Variants in ARHGAP10 observed in about 807,000 individuals in gnomAD.
The protein encoded by ARHGAP10 is rho GTPase-activating protein 10.
In ARHGAP10, 87 loss-of-function variants were observed where a neutral mutation model predicts 108.6. The observed-to-expected ratio is 0.80, with a 90% CI of 0.67 to 0.96. The LOEUF is 0.96. Among genes scored for constraint, ARHGAP10 ranks in the 40% least tolerant of loss-of-function variants. ARHGAP10 has a pLI of 0.00. For missense variants in ARHGAP10, 939 were observed against 954.5 expected, an observed-to-expected ratio of 0.98 and a Z score of 0.21; for synonymous variants, 347 against 341.1, an observed-to-expected ratio of 1.02 and a Z score of -0.19.
intron 3 of ARHGAP10, among the ~76,000 whole-genome samples, chr4:147,837,662 T>A (rs998601838): frequency 6.7e-6 from 1 of 148,594 alleles, no homozygotes; most frequent in African/African-American, 2.5e-5. Flanking sequence ...TTTTTTTTTT[T>A]AAAGCAGTAG....
At chr4:147,766,822 A>T (rs1579018229) in intron 1 of ARHGAP10, among the ~76,000 whole-genome samples, 2 of 12,158 alleles carry the variant, frequency 1.6e-4, no homozygotes, top group Non-Finnish European at 2.7e-3. Flanking sequence ...ATATATATAT[A>T]TATATATATA....
intron 22 of ARHGAP10, among the ~76,000 whole-genome samples, chr4:148,067,766 C>T (rs1204011962): frequency 2.0e-5 from 3 of 152,268 alleles, no homozygotes; most frequent in South Asian, 2.1e-4. Context: ...AGTAGTTATG[C>T]GTTTGGGATG....
At chr4:147,791,844 C>G (rs1401519234) in intron 1 of ARHGAP10, among the ~76,000 whole-genome samples, 1 of 152,196 alleles carries the variant, frequency 6.6e-6, no homozygotes, top group Non-Finnish European at 1.5e-5. Flanking sequence ...CTTGGCCTCT[C>G]AAAGTGCTGG....
intron 1 of ARHGAP10, among the ~76,000 whole-genome samples, chr4:147,757,951 C>G (rs1729447875): frequency 6.6e-6 from 1 of 152,134 alleles, no homozygotes; most frequent in African/African-American, 2.4e-5. Flanking sequence ...AGGCACCATA[C>G]AAATACAAGC....
chr4:148,014,418 A>G (rs944906748), intron 18 of ARHGAP10, among the ~76,000 whole-genome samples: 1 of 152,246 alleles, frequency 6.6e-6, no homozygotes, highest in African/African-American at 2.4e-5. Flanking sequence ...CCAGAAAACA[A>G]CATTTTATAA....
At chr4:147,830,031 GGGGGCA>G (rs1357386278) in intron 3 of ARHGAP10, among the ~76,000 whole-genome samples, 1 of 152,224 alleles carries the variant, frequency 6.6e-6, no homozygotes, top group Non-Finnish European at 1.5e-5. Flanking sequence ...TGGGGGTGCT[GGGGGCA>G]GACTGGGCTG....
intron 15 of ARHGAP10, among the ~76,000 whole-genome samples, chr4:147,950,659 G>A (rs1406835664): frequency 1.3e-5 from 2 of 152,112 alleles, no homozygotes; most frequent in African/African-American, 4.8e-5. Context: ...TATGTGCAGT[G>A]GACCGATGTG....
At chr4:147,918,132 GA>G (rs1436618244) in intron 13 of ARHGAP10, among the ~76,000 whole-genome samples, 5 of 134,982 alleles carry the variant, frequency 3.7e-5, no homozygotes, top group South Asian at 2.3e-4. Flanking sequence ...CTCTCATTAA[GA>G]TTTTTTTTTT....
intron 1 of ARHGAP10, among the ~76,000 whole-genome samples, chr4:147,784,811 ATTAT>A (rs1730794647): frequency 3.7e-5 from 1 of 27,076 alleles, no homozygotes; most frequent in African/African-American, 5.9e-5. Flanking sequence ...AATATAATAT[ATTAT>A]AAAATATATA....
At chr4:148,053,048 T>A (rs1729213232) in intron 20 of ARHGAP10, among the ~76,000 whole-genome samples, 1 of 152,182 alleles carries the variant, frequency 6.6e-6, no homozygotes, top group African/African-American at 2.4e-5. Context: ...CCAGACTTTG[T>A]TTCAGCTATT....
At chr4:147,910,183 A>G (rs1164906679) in intron 12 of ARHGAP10, among the ~76,000 whole-genome samples, 2 of 151,630 alleles carry the variant, frequency 1.3e-5, no homozygotes. Context: ...AATTGTTTTT[A>G]TTTTTAATTT....
intron 18 of ARHGAP10, among the ~76,000 whole-genome samples, chr4:148,018,420 T>A (rs1741432166): frequency 6.6e-6 from 1 of 152,160 alleles, no homozygotes; most frequent in African/African-American, 2.4e-5. Flanking sequence ...TAAGCTACAT[T>A]TTATCTTCTA....
chr4:147,911,639 G>A (rs910119957), intron 12 of ARHGAP10, among the ~76,000 whole-genome samples: 1 of 28,702 alleles, frequency 3.5e-5, no homozygotes, highest in African/African-American at 7.7e-5. Context: ...TGGGATTACA[G>A]GCGTGAGCCA....
chr4:147,907,503 GA>G (rs1191167256), intron 11 of ARHGAP10, among the ~76,000 whole-genome samples: 4 of 150,684 alleles, frequency 2.7e-5, no homozygotes, highest in African/African-American at 7.3e-5. Context: ...ATTGTTGAGG[GA>G]AAAAAAAAGA....
chr4:147,996,069 T>C (rs547887197), intron 18 of ARHGAP10, among the ~76,000 whole-genome samples: 1 of 152,300 alleles, frequency 6.6e-6, no homozygotes, highest in African/African-American at 2.4e-5. Context: ...CCTGTATGTG[T>C]GAAATACTCA....
chr4:148,016,558 TATAAC>T (rs1578793717), intron 18 of ARHGAP10, among the ~76,000 whole-genome samples: 2 of 152,158 alleles, frequency 1.3e-5, no homozygotes, highest in Admixed American at 6.5e-5. Context: ...TCTCTGTTCT[TATAAC>T]ACAACAATCA....
chr4:147,843,465 G>A (rs938729018), intron 3 of ARHGAP10, among the ~76,000 whole-genome samples: 6 of 152,112 alleles, frequency 3.9e-5, no homozygotes, highest in African/African-American at 1.4e-4. Context: ...ATATTGCTGA[G>A]CTCTCATTCT....
intron 13 of ARHGAP10, among the ~76,000 whole-genome samples, chr4:147,929,011 A>T (rs889603367): frequency 5.3e-5 from 8 of 152,194 alleles, no homozygotes; most frequent in African/African-American, 1.9e-4. Context: ...GCAGAGTTGG[A>T]AGTTTTCAGG....
intron 7 of ARHGAP10, among the ~76,000 whole-genome samples, chr4:147,870,400 G>T (rs1734767821): frequency 6.6e-6 from 1 of 152,090 alleles, no homozygotes; most frequent in African/African-American, 2.4e-5. Flanking sequence ...AATGTTAACT[G>T]CCTCTGCATT....
Sources: allele counts gnomAD v4.1 joint callset (sites outside exome capture counted in the v4.1 genomes callset), GRCh38; gene constraint gnomAD v4.1.1; transcripts MANE v1.5; gene names NCBI Gene and HGNC (gene_info 2026-07-23, HGNC 2026-07-21).